IGF2R: variants seen among roughly 807,000 people sequenced by gnomAD.
IGF2R encodes the protein cation-independent mannose-6-phosphate receptor.
Under a neutral mutation model 270.6 loss-of-function variants are expected in IGF2R, and 91 were observed. The observed-to-expected ratio is 0.34, with a 90% confidence interval of 0.28 to 0.40. The LOEUF is 0.40. Among genes scored for constraint, IGF2R ranks in the 10% least tolerant of loss-of-function variants. The pLI is 1.00. For synonymous variants in IGF2R, 1,316 were observed against 1,258.9 expected (o/e 1.05, Z -0.96); for missense variants, 2,805 against 3,188.3 (o/e 0.88, Z 2.90).
intron 4 of IGF2R, among the ~76,000 whole-genome samples, chr6:160,012,763 ATTTTTTT>A (rs370417751): frequency 7.8e-6 from 1 of 128,066 alleles, no homozygotes; most frequent in African/African-American, 2.9e-5. Context: ...ATATATATAT[ATTTTTTT>A]TTTTTTTTGT....
chr6:159,975,774 T>C (rs1783684202), intron 1 of IGF2R, among the ~76,000 whole-genome samples: 1 of 147,528 alleles, frequency 6.8e-6, no homozygotes, highest in Admixed American at 6.8e-5. Context: ...ATTATATATG[T>C]ATTATATATA....
intron 10 of IGF2R, among the ~76,000 whole-genome samples, chr6:160,035,986 C>T (rs572353959): frequency 3.3e-5 from 5 of 152,236 alleles, no homozygotes; most frequent in Middle Eastern, 3.4e-3. Context: ...CCTGGGCCTC[C>T]AGACATTCAA....
intron 19 of IGF2R, among the ~76,000 whole-genome samples, chr6:160,053,906 G>T (rs1335773385): frequency 6.6e-6 from 1 of 152,108 alleles, no homozygotes; most frequent in African/African-American, 2.4e-5. Context: ...TGAAGAGATG[G>T]GGGGTCTGTC....
chr6:159,992,539 T>A (rs1178612168), intron 2 of IGF2R, among the ~76,000 whole-genome samples: 1 of 152,136 alleles, frequency 6.6e-6, no homozygotes, highest in Non-Finnish European at 1.5e-5. Context: ...CTGCAAAACA[T>A]GTGATTTCAT....
chr6:160,048,910 A>G (rs922934274), intron 18 of IGF2R, among the ~76,000 whole-genome samples: 5 of 152,196 alleles, frequency 3.3e-5, no homozygotes, highest in Admixed American at 1.3e-4. Flanking sequence ...ATTAGGGGGA[A>G]AAACCGATTT....
At chr6:160,029,679 C>T in intron 7 of IGF2R, 24 bp downstream of exon 7, 2 of 1,533,944 alleles carry the variant, frequency 1.3e-6, no homozygotes, top group Non-Finnish European at 1.8e-6. Context: ...CTCCTGATCA[C>T]TAATGTGGCG....
chr6:160,103,891 C>A, intron 47 of IGF2R, 76 bp downstream of exon 47: 1 of 997,918 alleles, frequency 1.0e-6, no homozygotes, highest in Non-Finnish European at 1.6e-6. Context: ...TCGTTCTCAT[C>A]AGGGGTGCCA....
chr6:160,044,661 A>C lies in IGF2R; in HGVS notation c.1765+4A>C. The C allele has an allele frequency of 1.3e-6, 2 of 1,593,304 alleles. No individual in the cohort carries two copies. Among genetic ancestry groups the C allele is most frequent in the Non-Finnish European group, 1.7e-6 (2 of 1,173,820 alleles). ...ATCACACTTGTATGCAAGCCAGGTA[A>C]AAATTTTAAAAAAGATGAAATCTTT... On this transcript the variant is annotated splice_donor_region_variant and intron_variant, in intron 13 of 47. Transcript: ENST00000356956.
rs1270064823 is a variant in IGF2R, at chr6:159,992,905, G to T, written c.289+1582G>T. Among the ~76,000 whole-genome samples the T allele has an allele frequency of 2.0e-5, 3 of 152,004 alleles. No homozygotes were observed. In the South Asian group the frequency reaches 6.2e-4, roughly 31 times the overall value. On this transcript the variant is annotated intron_variant, in intron 2 of 47. Transcript: ENST00000356956. ...TATGTAAGCATTCCCGTTTTTCTAC[G>T]TTCTTGCCAACATCTTTTGCTTTTT... is the stretch of plus-strand genomic sequence containing the variant.
chr6:160,047,356 A>C lies in IGF2R; in HGVS notation c.2229+20A>C. On this transcript the variant is annotated intron_variant, in intron 16 of 47. Coordinates refer to ENST00000356956, the MANE Select transcript of IGF2R (RefSeq NM_000876.4). ...TATCAGGTAGGAATGTTTGTTCCTC[A>C]TCGCGCTCCCTGAGGATACTCATGC... The C allele has an allele frequency of 3.2e-6, 5 of 1,551,312 alleles. No homozygotes were observed. The highest frequency in any genetic ancestry group is 4.3e-6 in the Non-Finnish European group (5 of 1,152,820).
chr6:160,046,135 G>A (rs1778064467), intron 14 of IGF2R, among the ~76,000 whole-genome samples: 1 of 152,164 alleles, frequency 6.6e-6, no homozygotes, highest in Admixed American at 6.5e-5. Flanking sequence ...GTTTGAAAAG[G>A]CTTTCGTGTG....
intron 2 of IGF2R, among the ~76,000 whole-genome samples, chr6:159,992,598 T>TCA (rs71033567): frequency 0.066 from 9,704 of 146,184 alleles, 366 homozygotes; most frequent in East Asian, 0.2. Flanking sequence ...AAGAATGAAA[T>TCA]CACACACACA....
chr6:160,071,387 G>C (rs748914163), intron 31 of IGF2R, among the ~76,000 whole-genome samples: 9 of 152,190 alleles, frequency 5.9e-5, no homozygotes, highest in Non-Finnish European at 1.0e-4. Flanking sequence ...TGGGAAGGAA[G>C]GTGCTGCTGA....
rs535849277 is a variant in IGF2R at position 160,045,969 on chromosome 6, G to GT, written c.1903+88dup. The GT allele has an allele frequency of 3.9e-5, 47 of 1,209,016 alleles. No individual in the cohort carries two copies. In the East Asian group the frequency reaches 1.0e-3, roughly 27 times the overall value. The allele number at this position is 1,209,016 out of a possible 1,614,324, so 74.9% of individuals were successfully genotyped here. The stretch of plus-strand genomic sequence containing the variant: ...TAACATTCTGTGTGAGGTTTTCAAG[G>GT]TGACCCGCCTTAGAATTTTATTCAT... On this transcript the variant is annotated intron_variant, in intron 14 of 47. Transcript: ENST00000356956.
intron 21 of IGF2R, 127 bp downstream of exon 21, chr6:160,058,251 G>A (rs1778356111): frequency 1.5e-6 from 1 of 659,388 alleles, no homozygotes; most frequent in Admixed American, 2.5e-5. Flanking sequence ...TTACTCAGAA[G>A]GAGATGGGAA....
chr6:160,063,240 T>C (rs868828295), intron 26 of IGF2R, among the ~76,000 whole-genome samples, 175 bp from the exon 27 acceptor site: 2 of 152,104 alleles, frequency 1.3e-5, no homozygotes, highest in African/African-American at 4.8e-5. Context: ...GGTTTCACCA[T>C]GTTGGCCAGG....
At chr6:160,076,461 C>T (rs1778857546) in intron 36 of IGF2R, among the ~76,000 whole-genome samples, 2 of 152,248 alleles carry the variant, frequency 1.3e-5, no homozygotes, top group Admixed American at 1.3e-4. Flanking sequence ...TATTGACTTC[C>T]ATTTTATGTG....
rs751745058 is a variant in IGF2R, at chr6:160,061,632, T to A, written c.3392T>A (p.Ile1131Asn). 1 of 1,614,156 alleles carries A rather than the reference T, an allele frequency of 6.2e-7. No individual in the cohort carries two copies. Among genetic ancestry groups the A allele is most frequent in the Non-Finnish European group, 8.5e-7 (1 of 1,180,018 alleles). Reference sequence around the variant, plus strand: ...AGCGTTTGCAATCCTCTCCCTTACATTCCTGGATGCCAGGGTGAGTTCTCC... The same window carrying A: ...AGCGTTTGCAATCCTCTCCCTTACAATCCTGGATGCCAGGGTGAGTTCTCC... The part of the protein sequence containing the change: ...YLSVCNPLPY[I>N]PGCQGSAVGS... The change falls in exon 24 of 48, where the codon ATT becomes AAT. Residue 1131 changes from isoleucine to asparagine, a missense_variant. Ile to Asn is a moderately radical substitution (Grantham distance 149). Coordinates refer to ENST00000356956, the MANE Select transcript of IGF2R (RefSeq NM_000876.4).
At chr6:160,069,525 A>G (rs766251704) in intron 30 of IGF2R, among the ~76,000 whole-genome samples, 101 of 152,320 alleles carry the variant, frequency 6.6e-4, no homozygotes, top group Non-Finnish European at 8.7e-4. Context: ...AAGAAGGTGC[A>G]TGGACGTAGG....
Sources: gnomAD v4.1 joint callset for allele counts (sites outside exome capture counted in the v4.1 genomes callset) on GRCh38, gnomAD v4.1.1 for gene constraint, MANE v1.5 for transcripts, NCBI Gene and HGNC (gene_info 2026-07-23, HGNC 2026-07-21) for gene names.